The following CENPW variants were observed in gnomAD, a reference collection of about 807,000 sequenced individuals.
CENPW encodes centromere protein W.
A neutral mutation model predicts 11.1 loss-of-function variants in CENPW; 3 were observed. The observed-to-expected ratio is 0.27, with a 90% CI of 0.12 to 0.70. The LOEUF is 0.70. Ranked by LOEUF, CENPW falls within the 30% of genes least tolerant of loss-of-function variation. The probability of loss-of-function intolerance (pLI) is 0.77; values close to 1 mark genes in which losing one functional copy is unlikely to be tolerated. For synonymous variants in CENPW, 38 were observed against 42.0 expected (o/e 0.91, Z 0.37); for missense variants, 100 against 105.6 (o/e 0.95, Z 0.23).
the CENPW span, among the ~76,000 whole-genome samples, chr6:126,477,844 C>T: frequency 1.3e-5 from 2 of 151,880 alleles, no homozygotes; most frequent in African/African-American, 4.8e-5. Context: ...AGAACATGTC[C>T]TGTCTAGTGT....
the CENPW span, among the ~76,000 whole-genome samples, chr6:126,397,860 A>ACAACAT: frequency 6.6e-6 from 1 of 152,108 alleles, no homozygotes; most frequent in Non-Finnish European, 1.5e-5. Flanking sequence ...GTTGACTCAG[A>ACAACAT]GCCTTTTCAC....
rs1780452101 is a variant in CENPW at position 126,348,530 on chromosome 6, C to G, written c.*38C>G. Reference sequence around the variant, plus strand: ...ATATTCTTGAAAGTTATGATGCATTCTTTTGGGTGGTAACAGATCATAAAG... The same window carrying G: ...ATATTCTTGAAAGTTATGATGCATTGTTTTGGGTGGTAACAGATCATAAAG... On this transcript the variant is annotated 3_prime_UTR_variant, in exon 3 of 3. Coordinates refer to ENST00000368328, the MANE Select transcript of CENPW (RefSeq NM_001012507.4). 1 of 1,299,266 alleles carries G rather than the reference C, an allele frequency of 7.7e-7. No homozygotes were observed. The highest frequency in any genetic ancestry group is 1.5e-5 in the African/African-American group (1 of 68,224). 80.5% of individuals were successfully genotyped at this position (1,299,266 alleles called of 1,614,324 possible).
At chr6:126,341,431 C>T (rs907366251) in intron 1 of CENPW, among the ~76,000 whole-genome samples, 1 of 152,148 alleles carries the variant, frequency 6.6e-6, no homozygotes, top group African/African-American at 2.4e-5. Context: ...TGGACTTCTC[C>T]ACTGCCACCC....
chr6:126,464,223 A>G, the CENPW span, among the ~76,000 whole-genome samples: 2 of 152,156 alleles, frequency 1.3e-5, no homozygotes, highest in African/African-American at 4.8e-5. Flanking sequence ...AAACCACCTG[A>G]ACATCTCAAT....
chr6:126,479,118 C>T, the CENPW span, among the ~76,000 whole-genome samples: 1 of 151,998 alleles, frequency 6.6e-6, no homozygotes, highest in Admixed American at 6.6e-5. Flanking sequence ...TCTCTTTCTT[C>T]TCTGGGTTCT....
the CENPW span, among the ~76,000 whole-genome samples, chr6:126,467,259 T>A: frequency 6.6e-6 from 1 of 151,912 alleles, no homozygotes; most frequent in Non-Finnish European, 1.5e-5. Context: ...AGGGCTAGAG[T>A]AACCAAAACA....
the CENPW span, among the ~76,000 whole-genome samples, chr6:126,418,096 C>T: frequency 9.9e-5 from 15 of 152,202 alleles, no homozygotes; most frequent in South Asian, 1.2e-3. Flanking sequence ...TAGACAATAC[C>T]AAGTGTTGGA....
Position 126,340,339 on chromosome 6 carries a change from A to T in CENPW, c.66A>T (p.Leu22=). 6.2e-7 allele frequency: 1 copy of T among 1,614,150 alleles called. No individual in the cohort carries two copies. The highest frequency in any genetic ancestry group is 8.5e-7 in the Non-Finnish European group (1 of 1,180,020). The change falls in exon 1 of 3, where the codon CTA becomes CTT. Residue 22 remains leucine (L), a synonymous_variant. Transcript: ENST00000368328. ...QIKRKAPRGF[L]KRVFKRKKPQ... The stretch of plus-strand genomic sequence containing the variant: ...AGCGGAAGGCTCCCCGTGGCTTTCT[A>T]AAGCGAGTCTTCAAGCGAAAGAAGC...
chr6:126,407,483 ACTT>A, the CENPW span, among the ~76,000 whole-genome samples: 1 of 152,106 alleles, frequency 6.6e-6, no homozygotes, highest in East Asian at 1.9e-4. Context: ...TGGTATTTCT[ACTT>A]CTAGATTTTG....
At chr6:126,426,969 T>A in the CENPW span, among the ~76,000 whole-genome samples, 1 of 152,192 alleles carries the variant, frequency 6.6e-6, no homozygotes, top group Non-Finnish European at 1.5e-5. Flanking sequence ...ATAATCCTTA[T>A]ATAATTTGTC....
At chr6:126,469,818 T>C in the CENPW span, among the ~76,000 whole-genome samples, 6 of 152,182 alleles carry the variant, frequency 3.9e-5, no homozygotes, top group Admixed American at 2.6e-4. Flanking sequence ...TCTGTGTAAC[T>C]TTGAACTTGA....
chr6:126,464,745 C>A, the CENPW span, among the ~76,000 whole-genome samples: 2 of 152,122 alleles, frequency 1.3e-5, no homozygotes, highest in Admixed American at 6.6e-5. Context: ...GGCTTCCTTG[C>A]TCCTTGACTT....
At chr6:126,376,842 G>A in the CENPW span, among the ~76,000 whole-genome samples, 1 of 152,156 alleles carries the variant, frequency 6.6e-6, no homozygotes, top group Non-Finnish European at 1.5e-5. Context: ...GAGCACAGAG[G>A]TGTCTTGTGC....
the CENPW span, among the ~76,000 whole-genome samples, chr6:126,361,621 A>G: frequency 6.6e-6 from 1 of 152,092 alleles, no homozygotes; most frequent in African/African-American, 2.4e-5. Context: ...GTTCATAACC[A>G]TGTTCTGTGG....
At chr6:126,420,576 A>C in the CENPW span, among the ~76,000 whole-genome samples, 2 of 152,158 alleles carry the variant, frequency 1.3e-5, no homozygotes, top group African/African-American at 4.8e-5. Flanking sequence ...GAGAGTCTAT[A>C]GGAACTAGAC....
the CENPW span, among the ~76,000 whole-genome samples, chr6:126,476,322 A>G: frequency 1.8e-4 from 28 of 152,084 alleles, no homozygotes; most frequent in South Asian, 2.5e-3. Context: ...GAATTTAAAC[A>G]TGACGAAGAT....
the CENPW span, among the ~76,000 whole-genome samples, chr6:126,458,401 TTTC>T: frequency 6.6e-6 from 1 of 151,390 alleles, no homozygotes; most frequent in South Asian, 2.1e-4. Context: ...AACCACAGCA[TTTC>T]TTCTTCCTGT....
At chr6:126,458,946 A>C in the CENPW span, among the ~76,000 whole-genome samples, 1 of 151,398 alleles carries the variant, frequency 6.6e-6, no homozygotes, top group Non-Finnish European at 1.5e-5. Context: ...AAACCTGCCT[A>C]CAGTTTCTTC....
the CENPW span, among the ~76,000 whole-genome samples, chr6:126,433,356 C>T: frequency 6.6e-6 from 1 of 152,210 alleles, no homozygotes; most frequent in African/African-American, 2.4e-5. Context: ...ACCTGGTAAG[C>T]TGAATAAACC....
Sources: allele counts gnomAD v4.1 joint callset (sites outside exome capture counted in the v4.1 genomes callset), GRCh38; gene constraint gnomAD v4.1.1; transcripts MANE v1.5; gene names NCBI Gene and HGNC (gene_info 2026-07-23, HGNC 2026-07-21).